MYO5B: variants seen among roughly 807,000 people sequenced by gnomAD.
The protein encoded by MYO5B is myosin VB.
A neutral mutation model predicts 229.3 loss-of-function variants in MYO5B; 143 were observed. The observed-to-expected ratio is 0.62, with a 90% confidence interval of 0.54 to 0.72. MYO5B has a LOEUF of 0.72. Ranked by LOEUF, MYO5B falls within the 30% of genes least tolerant of loss-of-function variation. The probability of loss-of-function intolerance (pLI) is 0.00; values close to 1 mark genes in which losing one functional copy is unlikely to be tolerated. For synonymous variants in MYO5B, 918 were observed against 885.2 expected (o/e 1.04, Z -0.66); for missense variants, 2,321 against 2,331.0 (o/e 1.00, Z 0.09).
At chr18:50,058,189 A>G (rs1266987855) in intron 1 of MYO5B, among the ~76,000 whole-genome samples, 1 of 152,264 alleles carries the variant, frequency 6.6e-6, no homozygotes, top group Non-Finnish European at 1.5e-5. Flanking sequence ...ATTGAAGGCC[A>G]GGTGCAGTGG....
rs536961714 is a variant in MYO5B, at chr18:49,859,958, G to A, written c.3945-3068C>T. On this transcript the variant is annotated intron_variant, in intron 29 of 39. Transcript: ENST00000285039. ...TGTCAAACACAGTCTCCGCTGTCCC[G>A]GACAGGCCCCTGGTGTGTGTATTGG... Among the ~76,000 whole-genome samples, 93 of 152,278 alleles carry A rather than the reference G, an allele frequency of 6.1e-4. 1 individual carries two copies. In the South Asian group the frequency reaches 0.017, roughly 28 times the overall value.
chr18:49,928,735 C>T (rs1007917990), intron 17 of MYO5B, among the ~76,000 whole-genome samples: 2 of 152,126 alleles, frequency 1.3e-5, no homozygotes, highest in African/African-American at 4.8e-5. Context: ...CACGCCCAGT[C>T]AATGAGTGGA....
intron 4 of MYO5B, among the ~76,000 whole-genome samples, chr18:50,035,144 G>A (rs2026434497): frequency 6.6e-6 from 1 of 152,210 alleles, no homozygotes; most frequent in South Asian, 2.1e-4. Flanking sequence ...ATCTTGTCAA[G>A]AGGGTCTACA....
chr18:49,994,578 A>T (rs2025967198), intron 5 of MYO5B, among the ~76,000 whole-genome samples: 2 of 152,228 alleles, frequency 1.3e-5, no homozygotes, highest in African/African-American at 4.8e-5. Context: ...TGGTGCTTGG[A>T]ACATGCCCAA....
intron 10 of MYO5B, among the ~76,000 whole-genome samples, chr18:49,967,161 G>A (rs960325842): frequency 1.2e-4 from 19 of 152,148 alleles, no homozygotes; most frequent in African/African-American, 4.6e-4. Context: ...CTGGTCTCTC[G>A]ATGGCACAAT....
chr18:50,006,570 A>C (rs553709119), intron 4 of MYO5B, among the ~76,000 whole-genome samples: 1 of 152,242 alleles, frequency 6.6e-6, no homozygotes, highest in Admixed American at 6.5e-5. Flanking sequence ...CCACACACAC[A>C]CTACCTCCCC....
intron 2 of MYO5B, 43 bp downstream of exon 2, chr18:50,055,225 G>GGGCCCCCCC: frequency 1.6e-5 from 11 of 700,372 alleles, no homozygotes; most frequent in Non-Finnish European, 2.1e-5. Context: ...TGAGCTCCCT[G>GGGCCCCCCC]CCCCACCTCA....
At chr18:50,176,864 C>T (rs553295791) in intron 1 of MYO5B, among the ~76,000 whole-genome samples, 1 of 152,304 alleles carries the variant, frequency 6.6e-6, no homozygotes, top group South Asian at 2.1e-4. Flanking sequence ...TCATGAATGT[C>T]GTTTATCATC....
intron 1 of MYO5B, among the ~76,000 whole-genome samples, chr18:50,138,911 C>T (rs2144283147): frequency 6.6e-6 from 1 of 152,318 alleles, no homozygotes; most frequent in Non-Finnish European, 1.5e-5. Context: ...GTGCCACCAT[C>T]CCCATGGCCC....
rs181312991 is a variant in MYO5B, at chr18:49,956,549, A to G, written c.1546-2114T>C. On this transcript the variant is annotated intron_variant, in intron 12 of 39. Transcript: ENST00000285039. ...TTATCTCCAAAAATCTTTCCATAGAAATAGATTTTAAACAGCCACAGGAGA... is the reference window on the plus strand; with the variant it reads ...TTATCTCCAAAAATCTTTCCATAGAGATAGATTTTAAACAGCCACAGGAGA... Among the ~76,000 whole-genome samples, 9 of 152,364 alleles carry G rather than the reference A, an allele frequency of 5.9e-5. No homozygotes were observed. The East Asian group carries it at 1.7e-3, about 29-fold the overall frequency.
chr18:49,970,696 C>A (rs1311558440), intron 10 of MYO5B: 3 of 152,104 alleles, frequency 2.0e-5, no homozygotes, highest in African/African-American at 7.2e-5. Flanking sequence ...GAATGAGCTT[C>A]ACTGGCGGGC....
intron 5 of MYO5B, among the ~76,000 whole-genome samples, chr18:49,999,655 T>G (rs1455673480): frequency 6.6e-6 from 1 of 152,158 alleles, no homozygotes; most frequent in Admixed American, 6.5e-5. Flanking sequence ...GATTATTTCC[T>G]TTCATTCTTT....
chr18:49,888,072 G>A (rs2024665150), intron 22 of MYO5B, among the ~76,000 whole-genome samples: 1 of 152,084 alleles, frequency 6.6e-6, no homozygotes, highest in African/African-American at 2.4e-5. Context: ...TGAGGGACAG[G>A]TGCATACATA....
chr18:49,906,605 C>G lies in MYO5B; in HGVS notation c.2228G>C (p.Arg743Pro). 6.2e-7 allele frequency: 1 copy of G among 1,613,994 alleles called. No individual in the cohort carries two copies. Among genetic ancestry groups the G allele is most frequent in the Non-Finnish European group, 8.5e-7 (1 of 1,179,988 alleles). ...GCCTGCTCGAAAGAAGATCTTGGTG[C>G]GGCCAAACTGGAACTTGTCGGGGTC... is the stretch of plus-strand genomic sequence containing the variant. ...IKDPDKFQFG[R>P]TKIFFRAGQV... Residue 743 changes from arginine (R) to proline (P), a missense_variant, in exon 19 of 40, where the codon CGC becomes CCC. Around this residue, in one of 2 missense-constraint regions of MYO5B, gnomAD observed 2,113 missense variants for 2,044.7 expected, o/e 1.03. Transcript: ENST00000285039.
At chr18:50,090,628 T>TC (rs2031427860) in intron 1 of MYO5B, among the ~76,000 whole-genome samples, 1 of 152,184 alleles carries the variant, frequency 6.6e-6, no homozygotes, top group East Asian at 1.9e-4. Context: ...CTTTTTAGGC[T>TC]TCTTGGGGAT....
chr18:49,853,755 G>T, intron 30 of MYO5B, 108 bp from the exon 31 acceptor site: 1 of 1,004,966 alleles, frequency 1.0e-6, no homozygotes, highest in Non-Finnish European at 1.5e-6. Context: ...CAGCAGCAGC[G>T]GTTGCACATC....
chr18:49,866,599 T>C (rs988067188), intron 27 of MYO5B, among the ~76,000 whole-genome samples: 2 of 152,158 alleles, frequency 1.3e-5, no homozygotes, highest in Non-Finnish European at 2.9e-5. Flanking sequence ...ACAGACGAAT[T>C]TGTGTGAAAG....
At chr18:50,101,243 G>A (rs752949323) in intron 1 of MYO5B, among the ~76,000 whole-genome samples, 141 of 152,178 alleles carry the variant, frequency 9.3e-4, no homozygotes, top group Admixed American at 4.3e-3. Flanking sequence ...AAAGCATCAA[G>A]TTGTACACCT....
intron 8 of MYO5B, among the ~76,000 whole-genome samples, chr18:49,981,769 A>G (rs2025817515): frequency 6.6e-6 from 1 of 152,196 alleles, no homozygotes; most frequent in African/African-American, 2.4e-5. Context: ...CATTATTTGA[A>G]TACGTGGTAT....
Sources: gnomAD v4.1 joint callset for allele counts (sites outside exome capture counted in the v4.1 genomes callset) on GRCh38, gnomAD v4.1.1 for gene constraint, gnomAD v4.1.1 regional missense constraint, MANE v1.5 for transcripts, NCBI Gene and HGNC (gene_info 2026-07-23, HGNC 2026-07-21) for gene names.